Variants in PDE4D observed in about 807,000 individuals in gnomAD.
The protein encoded by PDE4D is phosphodiesterase 4D, also known as 3',5'-cyclic-AMP phosphodiesterase 4D.
A neutral mutation model predicts 87.4 loss-of-function variants in PDE4D; 24 were observed. The observed-to-expected ratio is 0.27, with a 90% confidence interval of 0.20 to 0.39. The LOEUF (loss-of-function observed/expected upper bound fraction) is 0.39. Among genes scored for constraint, PDE4D ranks in the 10% least tolerant of loss-of-function variants. PDE4D has a pLI of 1.00. For missense variants in PDE4D, 714 were observed against 1,041.0 expected (o/e 0.69, Z 4.32); for synonymous variants, 384 against 383.2 (o/e 1.00, Z -0.02).
intron 1 of PDE4D, among the ~76,000 whole-genome samples, chr5:59,799,981 G>A (rs1766925841): frequency 6.6e-6 from 1 of 152,124 alleles, no homozygotes; most frequent in Non-Finnish European, 1.5e-5. Flanking sequence ...AAAATTCTAC[G>A]AAAGGCAGGA....
At chr5:59,807,057 G>A (rs975470427) in intron 1 of PDE4D, among the ~76,000 whole-genome samples, 1 of 152,200 alleles carries the variant, frequency 6.6e-6, no homozygotes, top group African/African-American at 2.4e-5. Flanking sequence ...TGCCCTGGGA[G>A]TGATAATGAC....
At chr5:60,241,741 T>C (rs1309012886) in intron 1 of PDE4D, among the ~76,000 whole-genome samples, 2 of 152,048 alleles carry the variant, frequency 1.3e-5, no homozygotes, top group Admixed American at 6.6e-5. Context: ...AGAAAGTTTA[T>C]TCAAAGGGAT....
intron 1 of PDE4D, among the ~76,000 whole-genome samples, chr5:60,307,679 C>T (rs577116894): frequency 1.2e-4 from 18 of 151,938 alleles, no homozygotes; most frequent in African/African-American, 3.9e-4. Context: ...ATCACTGTTC[C>T]GAAGTCACAC....
chr5:59,588,398 C>A (rs891848670), intron 1 of PDE4D, among the ~76,000 whole-genome samples: 3 of 152,138 alleles, frequency 2.0e-5, no homozygotes, highest in African/African-American at 7.2e-5. Context: ...GGAGAATGGA[C>A]TTTGCAGTAG....
intron 1 of PDE4D, among the ~76,000 whole-genome samples, chr5:60,255,764 G>A (rs1296425660): frequency 6.6e-6 from 1 of 151,760 alleles, no homozygotes; most frequent in Admixed American, 6.6e-5. Context: ...AGCTCCAGGA[G>A]TTTGAGACCA....
intron 2 of PDE4D, among the ~76,000 whole-genome samples, chr5:59,198,866 T>G (rs908137835): frequency 2.6e-5 from 4 of 152,118 alleles, no homozygotes; most frequent in African/African-American, 9.7e-5. Flanking sequence ...TATGGTGACT[T>G]TGTTGAGATC....
At chr5:60,303,021 G>A (rs1562303520) in intron 1 of PDE4D, among the ~76,000 whole-genome samples, 1 of 152,078 alleles carries the variant, frequency 6.6e-6, no homozygotes, top group Admixed American at 6.5e-5. Context: ...TAGAGACAGG[G>A]TTTAACCATG....
Position 59,238,538 on chromosome 5 carries a change from C to T in PDE4D, c.456-22570G>A, listed in dbSNP as rs60404907. 6.4e-3 allele frequency among the ~76,000 whole-genome samples: 972 copies of T among 152,162 alleles called. 13 individuals are homozygous for T. The highest frequency in any genetic ancestry group is 0.022 in the African/African-American group (920 of 41,512). ...AGGTCATTCGACTTTTGTTGAGCAC[C>T]GTGGATTACTATCTTTGATGCTGTC... On this transcript the variant is annotated intron_variant, in intron 1 of 14. Coordinates refer to ENST00000340635, the MANE Select transcript of PDE4D (RefSeq NM_001104631.2).
intron 1 of PDE4D, chr5:59,797,051 C>CAT (rs1383831247): frequency 6.6e-6 from 1 of 150,386 alleles, no homozygotes; most frequent in East Asian, 2.0e-4. Flanking sequence ...ATTTCCTTGT[C>CAT]ATATATACCT....
At chr5:59,039,466 G>GC in intron 5 of PDE4D, 1 of 987,208 alleles carries the variant, frequency 1.0e-6, no homozygotes, top group Non-Finnish European at 1.2e-6. Flanking sequence ...CTTCTGCACG[G>GC]CACTTGAAGT....
intron 1 of PDE4D, among the ~76,000 whole-genome samples, chr5:59,435,864 C>T (rs1009154534): frequency 1.3e-5 from 2 of 152,134 alleles, no homozygotes; most frequent in African/African-American, 2.4e-5. Flanking sequence ...TCATCATATG[C>T]AATCAAACAG....
intron 1 of PDE4D, among the ~76,000 whole-genome samples, chr5:59,629,670 T>C (rs1831328982): frequency 6.6e-6 from 1 of 152,174 alleles, no homozygotes. Flanking sequence ...CTTGTGGTAT[T>C]TTCTATAGCA....
At chr5:60,008,858 T>C (rs967225421) in intron 2 of PDE4D, among the ~76,000 whole-genome samples, 1 of 152,072 alleles carries the variant, frequency 6.6e-6, no homozygotes, top group African/African-American at 2.4e-5. Context: ...TTCATTTTAG[T>C]ATTTTGTCTT....
intron 11 of PDE4D, among the ~76,000 whole-genome samples, chr5:58,977,977 G>A (rs1247567654): frequency 6.6e-6 from 1 of 152,088 alleles, no homozygotes; most frequent in East Asian, 1.9e-4. Context: ...GTGATGTTGT[G>A]TTTGGCTGTC....
chr5:60,451,296 T>C (rs1369246098), intron 1 of PDE4D, among the ~76,000 whole-genome samples: 1 of 152,160 alleles, frequency 6.6e-6, no homozygotes, highest in Non-Finnish European at 1.5e-5. Flanking sequence ...TGTGATATTT[T>C]AATACCTGTA....
intron 1 of PDE4D, among the ~76,000 whole-genome samples, chr5:60,313,976 A>T (rs887946139): frequency 6.6e-6 from 1 of 152,304 alleles, no homozygotes; most frequent in East Asian, 1.9e-4. Flanking sequence ...ACCCACAGCC[A>T]ACATCATACT....
chr5:59,490,063 G>A (rs952892727), intron 1 of PDE4D, among the ~76,000 whole-genome samples: 8 of 151,846 alleles, frequency 5.3e-5, no homozygotes, highest in Non-Finnish European at 7.4e-5. Context: ...ATATCATTTC[G>A]CAAATATTTG....
rs1239484912 is a variant in PDE4D, at chr5:58,970,261, A to T, written c.*4403T>A. ...CAAAGAAATAAAAACAACTCAAATC[A>T]GTTAAGGATGTTTTTGTAATTATAG... is the stretch of plus-strand genomic sequence containing the variant. On this transcript the variant is annotated 3_prime_UTR_variant, in exon 15 of 15. Transcript: ENST00000340635. 6.6e-6 allele frequency: 1 copy of T among 152,206 alleles called. No homozygotes were observed. The highest frequency in any genetic ancestry group is 1.9e-4 in the East Asian group (1 of 5,204). The allele number at this position is 152,206 out of a possible 1,614,324, so 9.4% of individuals were successfully genotyped here. A position where few individuals can be genotyped will look rare whatever the true frequency, so the allele number is the denominator to read the frequency against.
rs199590419 is a variant in PDE4D, at chr5:59,185,242, A to G, written c.705T>C (p.Thr235=). 65 of 1,612,678 alleles carry G rather than the reference A, an allele frequency of 4.0e-5. No individual in the cohort carries two copies. The East Asian group carries it at 1.4e-3, about 35-fold the overall frequency. Residue 235 remains threonine (T), a synonymous_variant, in exon 4 of 15, where the codon ACT becomes ACC. Coordinates refer to ENST00000340635, the MANE Select transcript of PDE4D (RefSeq NM_001104631.2). ...TTAATGCAGCAAAGTTGTTTCGTAC[A>G]GTTCGCAGACTGGCCAAGACCTACA... ...PFAQVLASLR[T]VRNNFAALTN... is the part of the protein sequence containing the mutation.
Sources: allele counts gnomAD v4.1 joint callset (sites outside exome capture counted in the v4.1 genomes callset), GRCh38; gene constraint gnomAD v4.1.1; transcripts MANE v1.5; gene names NCBI Gene and HGNC (gene_info 2026-07-23, HGNC 2026-07-21).